Variants in KIR3DL1 observed in about 807,000 individuals in gnomAD.
KIR3DL1 encodes the protein killer cell immunoglobulin like receptor, three Ig domains and long cytoplasmic tail 1.
In KIR3DL1, 50 loss-of-function variants were observed where a neutral mutation model predicts 40.3. The observed-to-expected ratio is 1.24, with a 90% confidence interval of 0.99 to 1.57. KIR3DL1 has a LOEUF of 1.57. Ranked by LOEUF, KIR3DL1 falls within the 40% of genes most tolerant of loss-of-function variation. The pLI is 0.00. For synonymous variants in KIR3DL1, 257 were observed against 207.2 expected, an observed-to-expected ratio of 1.24 and a Z score of -2.07; for missense variants, 661 against 559.9, an observed-to-expected ratio of 1.18 and a Z score of -1.82.
intron 6 of KIR3DL1, among the ~76,000 whole-genome samples, chr19:54,826,701 C>T (rs2148171418): frequency 6.7e-6 from 1 of 149,434 alleles, no homozygotes; most frequent in South Asian, 2.1e-4. Flanking sequence ...ATATTTGTGA[C>T]ATTAATGAAA....
intron 6 of KIR3DL1, among the ~76,000 whole-genome samples, chr19:54,828,244 C>T (rs539911938): frequency 1.3e-5 from 2 of 151,176 alleles, no homozygotes; most frequent in Non-Finnish European, 2.9e-5. Flanking sequence ...CTTTTGTTTC[C>T]TTTTCTTGGA....
At chr19:54,818,533 G>C (rs1476477933) in exon 3 of KIR3DL1, 2 of 1,611,318 alleles carry the variant, frequency 1.2e-6, no homozygotes, top group South Asian at 2.2e-5. Flanking sequence ...CACATGTCGG[G>C]GTTCACACCC....
chr19:54,820,346 T>A (rs1250681863), intron 4 of KIR3DL1, among the ~76,000 whole-genome samples: 2 of 151,468 alleles, frequency 1.3e-5, no homozygotes, highest in African/African-American at 4.9e-5. Flanking sequence ...AAGTTTCATT[T>A]CTGTTTTACC....
intron 3 of KIR3DL1, among the ~76,000 whole-genome samples, chr19:54,819,013 G>C (rs991225788): frequency 2.0e-5 from 3 of 151,062 alleles, no homozygotes; most frequent in African/African-American, 7.3e-5. Context: ...TTTGAAGGTG[G>C]AGGAAGACCA....
rs376100317 is a variant in KIR3DL1, at chr19:54,822,503, C to G, written c.949+645C>G. Among the ~76,000 whole-genome samples, 144 of 150,310 alleles carry G rather than the reference C, an allele frequency of 9.6e-4. 4 individuals are homozygous for G. In the South Asian group the frequency reaches 0.014, roughly 14 times the overall value. On this transcript the variant is annotated intron_variant, in intron 5 of 8. Coordinates refer to ENST00000391728, the Ensembl canonical transcript of KIR3DL1. Reference sequence around the variant, plus strand: ...ATTAGCCGAGCATGCTGGCATGCACCTGTAGTCCTAGCTACTTGGGAGGCT... The same window carrying G: ...ATTAGCCGAGCATGCTGGCATGCACGTGTAGTCCTAGCTACTTGGGAGGCT...
rs758967967 is a variant in KIR3DL1 at position 54,829,515 on chromosome 19, C to T, written c.1105+50C>T. The T allele has an allele frequency of 4.5e-6, 6 of 1,338,050 alleles. 2 individuals are homozygous for T. The South Asian group carries it at 7.9e-5, about 18-fold the overall frequency. The allele number at this position is 1,338,050 out of a possible 1,614,324, so 82.9% of individuals were successfully genotyped here. ...GAGAGCTCAGGGCCATGTGGGGAAG[C>T]AGGATGGGAGCACACAGCTGTGTGT... On this transcript the variant is annotated intron_variant, in intron 7 of 8. Transcript: ENST00000391728.
At chr19:54,823,186 C>T (rs1279542959) in intron 5 of KIR3DL1, among the ~76,000 whole-genome samples, 25 of 150,898 alleles carry the variant, frequency 1.7e-4, no homozygotes, top group Non-Finnish European at 3.5e-4. Context: ...AGGTGCACGC[C>T]ACCATGCCTG....
chr19:54,818,562 G>T lies in KIR3DL1; in HGVS notation c.318G>T (p.Trp106Cys), dbSNP rs763390310. ...CACACCCACACTCCCCCACTGGGTG[G>T]TCGGCACCCAGCAACCCCGTGGTGA... The change falls in exon 3 of 9, where the codon TGG becomes TGT. Residue 106 changes from tryptophan to cysteine, a missense_variant. Around this residue, in one of 3 missense-constraint regions of KIR3DL1, gnomAD observed 548 missense variants for 413.3 expected, o/e 1.33. Coordinates refer to ENST00000391728, the Ensembl canonical transcript of KIR3DL1. 24 of 1,611,304 alleles carry T rather than the reference G, an allele frequency of 1.5e-5. 1 individual carries two copies. The highest frequency in any genetic ancestry group is 1.9e-5 in the Non-Finnish European group (22 of 1,179,632).
At chr19:54,818,193 C>T (rs1401387075) in intron 2 of KIR3DL1, 122 bp from the exon 3 acceptor site, 9 of 1,035,214 alleles carry the variant, frequency 8.7e-6, no homozygotes, top group East Asian at 2.5e-5. Flanking sequence ...CTTCCTGTAG[C>T]CCTGGGCACC....
At chr19:54,829,167 G>A (rs1187521006) in intron 6 of KIR3DL1, among the ~76,000 whole-genome samples, 194 bp from the exon 7 acceptor site, 5 of 145,010 alleles carry the variant, frequency 3.4e-5, no homozygotes, top group African/African-American at 1.3e-4. Flanking sequence ...TAAAGTAGTT[G>A]TATCCTCAGC....
intron 4 of KIR3DL1, among the ~76,000 whole-genome samples, 164 bp downstream of exon 4, chr19:54,820,176 T>C (rs1703436319): frequency 6.6e-6 from 1 of 150,924 alleles, no homozygotes; most frequent in Non-Finnish European, 1.5e-5. Flanking sequence ...ACAGGAGACA[T>C]AAGTACAGAA....
At position 54,825,505 on chromosome 19, in the gene KIR3DL1, A is replaced by G. The variant is rs551619151; in HGVS notation, c.1000+427A>G. Among the ~76,000 whole-genome samples, 416 of 150,024 alleles carry G rather than the reference A, an allele frequency of 2.8e-3. 3 individuals carry two copies. Among genetic ancestry groups the G allele is most frequent in the African/African-American group, 9.9e-3 (394 of 39,990 alleles). ...ATGAAGCAACCCTGGCTGACTCAGC[A>G]GAGCAAGAGCCTTGCCGTAACAGAG... is the stretch of plus-strand genomic sequence containing the variant. On this transcript the variant is annotated intron_variant, in intron 6 of 8. Coordinates refer to ENST00000391728, the Ensembl canonical transcript of KIR3DL1.
At chr19:54,828,980 C>A (rs550781688) in intron 6 of KIR3DL1, among the ~76,000 whole-genome samples, 1 of 141,738 alleles carries the variant, frequency 7.1e-6, no homozygotes, top group African/African-American at 2.5e-5. Context: ...CTCTTTTTAA[C>A]AACCAGCTCT....
chr19:54,821,699 C>T (rs764595275), exon 5 of KIR3DL1: 16 of 1,609,032 alleles, frequency 9.9e-6, no homozygotes, highest in Admixed American at 6.7e-5. Context: ...AGCCCATGAA[C>T]GTAGGCTCCC....
At chr19:54,820,198 A>G (rs2061566673) in intron 4 of KIR3DL1, among the ~76,000 whole-genome samples, 186 bp downstream of exon 4, 1 of 151,438 alleles carries the variant, frequency 6.6e-6, no homozygotes, top group Non-Finnish European at 1.5e-5. Flanking sequence ...AGGTGTCATA[A>G]CAGAGGACAG....
At chr19:54,824,625 G>C (rs993866009) in intron 5 of KIR3DL1, among the ~76,000 whole-genome samples, 1 of 151,292 alleles carries the variant, frequency 6.6e-6, no homozygotes, top group Non-Finnish European at 1.5e-5. Context: ...GCATTGAGCT[G>C]AGATTGCACC....
chr19:54,825,878 G>A (rs1365175061), intron 6 of KIR3DL1, among the ~76,000 whole-genome samples: 1 of 150,902 alleles, frequency 6.6e-6, no homozygotes, highest in Non-Finnish European at 1.5e-5. Flanking sequence ...CATCTCACAT[G>A]GCATCACTCA....
At chr19:54,829,200 G>C (rs1456992505) in intron 6 of KIR3DL1, among the ~76,000 whole-genome samples, 161 bp from the exon 7 acceptor site, 1 of 142,636 alleles carries the variant, frequency 7.0e-6, no homozygotes, top group African/African-American at 2.6e-5. Flanking sequence ...TACTATGAGA[G>C]CTATAACTGA....
chr19:54,820,948 A>G (rs111880899), intron 4 of KIR3DL1, among the ~76,000 whole-genome samples: 2,006 of 151,092 alleles, frequency 0.013, 110 homozygotes, highest in African/African-American at 0.046. Context: ...TAGGTAGATG[A>G]TAGATAATGG....
Sources: gnomAD v4.1 joint callset for allele counts (sites outside exome capture counted in the v4.1 genomes callset) on GRCh38, gnomAD v4.1.1 for gene constraint, gnomAD v4.1.1 regional missense constraint, MANE v1.5 for transcripts, NCBI Gene and HGNC (gene_info 2026-07-23, HGNC 2026-07-21) for gene names.